The following CBLC variants were observed in gnomAD, a reference collection of about 807,000 sequenced individuals.
CBLC encodes the protein Cbl proto-oncogene C.
In CBLC, 46 loss-of-function variants were observed where a neutral mutation model predicts 58.6. The observed-to-expected ratio is 0.79, with a 90% CI of 0.62 to 1.00. The LOEUF (loss-of-function observed/expected upper bound fraction) is 1.00, where lower values mean the gene tolerates loss of function less well. Ranked by LOEUF, CBLC falls within the 50% of genes least tolerant of loss-of-function variation. The pLI, the probability that CBLC is intolerant of heterozygous loss-of-function variation, is 0.00. For missense variants in CBLC, 655 were observed against 625.8 expected, an observed-to-expected ratio of 1.05 and a Z score of -0.50; for synonymous variants, 271 against 264.2, an observed-to-expected ratio of 1.03 and a Z score of -0.25.
intron 5 of CBLC, 122 bp from the exon 6 acceptor site, chr19:44,789,882 G>A (rs1302944502): frequency 5.5e-6 from 4 of 723,238 alleles, no homozygotes; most frequent in Non-Finnish European, 1.0e-5. Flanking sequence ...GCCAGCAATG[G>A]ATTTGGGACA....
In CBLC at chr19:44,790,078, T is replaced by C; in HGVS notation, c.992T>C (p.Ile331Thr). ...ELGQAEPQQR[I>T]HVSEEQLQLY... is the part of the protein sequence containing the mutation. The stretch of plus-strand genomic sequence containing the variant: ...GGCCAGGCAGAACCCCAGCAGCGCA[T>C]CCACGTGTCAGAGGTGAGACCCGCA... The change falls in exon 6 of 11, where the codon ATC (isoleucine) becomes ACC (threonine). Residue 331 changes from isoleucine (I) to threonine (T), a missense_variant. Ile to Thr is a moderately conservative substitution (Grantham distance 89). Around this residue, in one of 3 missense-constraint regions of CBLC, gnomAD observed 371 missense variants for 370.8 expected, o/e 1.00. Coordinates refer to ENST00000647358, the MANE Select transcript of CBLC (RefSeq NM_012116.4). 6.2e-7 allele frequency: 1 copy of C among 1,613,692 alleles called. No individual in the cohort carries two copies. Among genetic ancestry groups the C allele is most frequent in the Non-Finnish European group, 8.5e-7 (1 of 1,179,836 alleles).
Position 44,788,821 on chromosome 19 carries a change from C to CTA in CBLC, c.918-1183_918-1182insTA, listed in dbSNP as rs768674443. Among the ~76,000 whole-genome samples the CTA allele has an allele frequency of 2.0e-5, 3 of 152,148 alleles. No individual in the cohort carries two copies. In the East Asian group the frequency reaches 5.8e-4, roughly 29 times the overall value. The stretch of plus-strand genomic sequence containing the variant: ...CCCGGCCAGCACTGTCTTATTTAAT[C>CTA]CATCACAAATCTTTGCCTCAGGCAT... On this transcript the variant is annotated intron_variant, in intron 5 of 10. Coordinates refer to ENST00000647358, the MANE Select transcript of CBLC (RefSeq NM_012116.4).
chr19:44,787,119 C>T (rs1298621847), intron 5 of CBLC, among the ~76,000 whole-genome samples: 2 of 152,018 alleles, frequency 1.3e-5, no homozygotes, highest in Non-Finnish European at 2.9e-5. Context: ...ATAAGCTGGG[C>T]GCAGTGGCTC....
At chr19:44,795,717 C>T (rs369682410) in intron 9 of CBLC, among the ~76,000 whole-genome samples, 37 of 152,232 alleles carry the variant, frequency 2.4e-4, no homozygotes, top group African/African-American at 8.4e-4. Context: ...TTTCGCCACC[C>T]GGCAGAGCTT....
chr19:44,782,246 G>C (rs1194662318), intron 3 of CBLC, 124 bp from the exon 4 acceptor site: 2 of 1,371,614 alleles, frequency 1.5e-6, no homozygotes, highest in African/African-American at 2.9e-5. Context: ...TCTTGTAAAA[G>C]GGATATGCCT....
At chr19:44,781,107 C>T in intron 2 of CBLC, 56 bp downstream of exon 2, 1 of 1,584,464 alleles carries the variant, frequency 6.3e-7, no homozygotes, top group East Asian at 2.2e-5. Flanking sequence ...GGCCCAGGGA[C>T]CCAGGGGTCC....
At chr19:44,784,950 GTTTTTTTTTTTTTT>G (rs58171575) in intron 5 of CBLC, among the ~76,000 whole-genome samples, 20 of 34,372 alleles carry the variant, frequency 5.8e-4, no homozygotes, top group East Asian at 1.8e-3. Flanking sequence ...CTAGACAGGT[GTTTTTTTTTTTTTT>G]TTTTTTTTTT....
In CBLC at chr19:44,793,461, C is replaced by G. The variant is rs200336706; in HGVS notation, c.1138-13C>G. 3,244 of 1,596,054 alleles carry G rather than the reference C, an allele frequency of 2.0e-3. 3 individuals are homozygous for G. Among genetic ancestry groups the G allele is most frequent in the Non-Finnish European group, 2.7e-3 (3,112 of 1,172,728 alleles). ...AGGGGAGCACTGACCCTTTCCCTCC[C>G]GACCTCCCCCAGCACTCGGACAGCC... On this transcript the variant is annotated splice_polypyrimidine_tract_variant and intron_variant, in intron 7 of 10. Coordinates refer to ENST00000647358, the MANE Select transcript of CBLC (RefSeq NM_012116.4).
chr19:44,780,129 T>C (rs940211942), intron 1 of CBLC, among the ~76,000 whole-genome samples: 1 of 151,852 alleles, frequency 6.6e-6, no homozygotes, highest in African/African-American at 2.4e-5. Context: ...TTCTGCAAAA[T>C]TCAGCGTAAT....
At chr19:44,799,969 C>T (rs1968259434) in intron 9 of CBLC, among the ~76,000 whole-genome samples, 2 of 152,138 alleles carry the variant, frequency 1.3e-5, no homozygotes, top group Admixed American at 1.3e-4. Context: ...GAAGGGTGGA[C>T]ACATGGATGG....
chr19:44,784,950 G>GTTTGTTTTTTT (rs1967850075), intron 5 of CBLC, among the ~76,000 whole-genome samples: 6 of 34,370 alleles, frequency 1.7e-4, no homozygotes, highest in Admixed American at 7.9e-4. Flanking sequence ...CTAGACAGGT[G>GTTTGTTTTTTT]TTTTTTTTTT....
intron 5 of CBLC, among the ~76,000 whole-genome samples, chr19:44,784,663 C>A (rs554997961): frequency 6.6e-6 from 1 of 152,282 alleles, no homozygotes; most frequent in South Asian, 2.1e-4. Context: ...TTGGGCACAA[C>A]CGCAAGGGCT....
intron 7 of CBLC, 145 bp from the exon 8 acceptor site, chr19:44,793,329 T>A: frequency 1.2e-6 from 1 of 865,038 alleles, no homozygotes; most frequent in Non-Finnish European, 1.7e-6. Context: ...ATTCCTCTGC[T>A]CTCCACGACT....
intron 5 of CBLC, among the ~76,000 whole-genome samples, chr19:44,788,370 C>T (rs1185223246): frequency 1.3e-5 from 2 of 151,956 alleles, no homozygotes; most frequent in South Asian, 4.1e-4. Flanking sequence ...AAGCAATCCT[C>T]CCGCCTCAGC....
intron 9 of CBLC, among the ~76,000 whole-genome samples, chr19:44,796,824 C>T (rs1968188002): frequency 6.6e-6 from 1 of 152,016 alleles, no homozygotes; most frequent in Non-Finnish European, 1.5e-5. Flanking sequence ...TCGATCAATA[C>T]TGAGCTGTCT....
rs757386289 is a variant in CBLC at position 44,793,500 on chromosome 19, C to A, written c.1164C>A (p.Phe388Leu). Residue 388 changes from phenylalanine to leucine, a missense_variant, in exon 8 of 11, where the codon TTC (phenylalanine) becomes TTA (leucine). Physicochemically the swap from Phe to Leu is conservative, Grantham distance 22. Around this residue, in one of 3 missense-constraint regions of CBLC, gnomAD observed 371 missense variants for 370.8 expected, o/e 1.00. Coordinates refer to ENST00000647358, the MANE Select transcript of CBLC (RefSeq NM_012116.4). ...ACTCGGACAGCCAGACCTGCCCCTTCTGCCGCTGCGAGATCAAGGGCTGGG... is the reference window on the plus strand; with the variant it reads ...ACTCGGACAGCCAGACCTGCCCCTTATGCCGCTGCGAGATCAAGGGCTGGG... The part of the protein sequence containing the change: ...WQHSDSQTCP[F>L]CRCEIKGWEA... The A allele has an allele frequency of 1.2e-6, 2 of 1,612,446 alleles. No individual in the cohort carries two copies. The highest frequency in any genetic ancestry group is 1.7e-6 in the Non-Finnish European group (2 of 1,179,322).
At chr19:44,800,040 C>T (rs1332419359) in intron 9 of CBLC, among the ~76,000 whole-genome samples, 1 of 152,132 alleles carries the variant, frequency 6.6e-6, no homozygotes, top group East Asian at 1.9e-4. Flanking sequence ...AGGGAAAAGG[C>T]AGCATGGACT....
rs746006448 is a variant in CBLC at position 44,782,450 on chromosome 19, G to A, written c.738G>A (p.Glu246=). ...ACATGGCCTTCCTCACCTATGATGA[G>A]GTCCAAGAGCGTCTGCAGGCCTGCA... The part of the protein sequence containing the change: ...PGYMAFLTYD[E]VQERLQACRD... Residue 246 remains glutamate (E), a synonymous_variant, in exon 4 of 11, where the codon GAG becomes GAA. Transcript: ENST00000647358. 5.6e-6 allele frequency: 9 copies of A among 1,613,872 alleles called. 1 individual carries two copies. The highest frequency in any genetic ancestry group is 5.5e-5 in the South Asian group (5 of 91,076).
At position 44,777,963 on chromosome 19, in the gene CBLC, A is replaced by G; in HGVS notation, c.32A>G (p.Gln11Arg). 6.2e-7 allele frequency: 1 copy of G among 1,602,858 alleles called. No homozygotes were observed. The change falls in exon 1 of 11, where the codon CAG becomes CGG. Residue 11 changes from glutamine (Q) to arginine (R), a missense_variant. By Grantham distance (43) the Gln-to-Arg change is conservative. This residue lies in a region of CBLC where 280 missense variants were observed against 237.2 expected (regional missense o/e 1.18). Transcript: ENST00000647358. MALAVAPWGR[Q>R]WEEARALGRA... ...CTGGCGGTGGCCCCGTGGGGGCGACAGTGGGAAGAGGCCCGCGCCCTGGGC... is the reference window on the plus strand; with the variant it reads ...CTGGCGGTGGCCCCGTGGGGGCGACGGTGGGAAGAGGCCCGCGCCCTGGGC...
Sources: allele counts gnomAD v4.1 joint callset (sites outside exome capture counted in the v4.1 genomes callset), GRCh38; gene constraint gnomAD v4.1.1; regional missense constraint gnomAD v4.1.1; transcripts MANE v1.5; gene names NCBI Gene and HGNC (gene_info 2026-07-23, HGNC 2026-07-21).